The following CPNE4 variants were observed in gnomAD, a reference collection of about 807,000 sequenced individuals.
CPNE4 encodes copine-4.
In CPNE4, 25 loss-of-function variants were observed where a neutral mutation model predicts 67.9. The ratio of observed to expected loss-of-function variants is 0.37; its 90% CI spans 0.27 to 0.51. CPNE4 has a LOEUF of 0.51. CPNE4 is among the 20% of genes least tolerant of loss of function. The probability of loss-of-function intolerance (pLI) is 0.93; values close to 1 mark genes in which losing one functional copy is unlikely to be tolerated. For missense variants in CPNE4, 464 were observed against 690.8 expected (o/e 0.67, Z 3.68); for synonymous variants, 242 against 244.9 (o/e 0.99, Z 0.11).
intron 1 of CPNE4, among the ~76,000 whole-genome samples, chr3:131,986,328 T>G (rs574213776): frequency 1.3e-5 from 2 of 152,162 alleles, no homozygotes; most frequent in Admixed American, 1.3e-4. Context: ...ATTGAATAAT[T>G]TGAATGACAT....
chr3:131,549,928 C>T lies in CPNE4; in HGVS notation c.1302+19G>A. ...GGAAGAGTAAGCTCCCCTTAGGAGG[C>T]AAATAGCCCCCTCCTTACCGATGCC... On this transcript the variant is annotated intron_variant, in intron 14 of 15. Coordinates refer to ENST00000429747, the MANE Select transcript of CPNE4 (RefSeq NM_130808.3). 1 of 1,612,296 alleles carries T rather than the reference C, an allele frequency of 6.2e-7. No homozygotes were observed. The highest frequency in any genetic ancestry group is 8.5e-7 in the Non-Finnish European group (1 of 1,178,954).
intron 7 of CPNE4, among the ~76,000 whole-genome samples, chr3:131,623,228 GA>G (rs1004956735): frequency 7.5e-5 from 10 of 133,896 alleles, no homozygotes; most frequent in South Asian, 4.4e-4. Context: ...TACTTAAACT[GA>G]AAAAAAAGAA....
intron 2 of CPNE4, among the ~76,000 whole-genome samples, chr3:131,803,698 G>A (rs1490607717): frequency 6.6e-6 from 1 of 152,212 alleles, no homozygotes; most frequent in Admixed American, 6.5e-5. Context: ...TACCCAAGCT[G>A]AGGAGAACAT....
chr3:131,974,660 G>A (rs1162491420), intron 1 of CPNE4, among the ~76,000 whole-genome samples: 2 of 152,124 alleles, frequency 1.3e-5, no homozygotes, highest in Non-Finnish European at 2.9e-5. Flanking sequence ...ACAGGGCCAA[G>A]CCTATCTGCC....
At chr3:131,660,651 A>G (rs1212927908) in intron 7 of CPNE4, among the ~76,000 whole-genome samples, 8 of 152,172 alleles carry the variant, frequency 5.3e-5, no homozygotes, top group Admixed American at 4.6e-4. Flanking sequence ...GATCCTTCCA[A>G]TGCCACTGAC....
Position 131,721,398 on chromosome 3 carries a change from C to CG in CPNE4, c.360+2047_360+2048insC, listed in dbSNP as rs57350854. Among the ~76,000 whole-genome samples the CG allele has an allele frequency of 2.3e-5, 3 of 128,342 alleles. No individual in the cohort carries two copies. The South Asian group carries it at 7.2e-4, about 31-fold the overall frequency. The allele number at this position is 128,342 out of a possible 152,430, so 84.2% of individuals were successfully genotyped here. A position where few individuals can be genotyped will look rare whatever the true frequency, so the allele number is the denominator to read the frequency against. The stretch of plus-strand genomic sequence containing the variant: ...CCACATGATTCCCACACGGATCTAC[C>CG]TTTTTTTTTTTTTTTGAGACGGAGT... On this transcript the variant is annotated intron_variant, in intron 3 of 15. Transcript: ENST00000429747.
chr3:132,005,878 A>G (rs1462985465), intron 1 of CPNE4, among the ~76,000 whole-genome samples: 1 of 152,132 alleles, frequency 6.6e-6, no homozygotes, highest in African/African-American at 2.4e-5. Flanking sequence ...TGCCTCCTGG[A>G]AGTTTGAAGT....
At position 131,911,098 on chromosome 3, in the gene CPNE4, A is replaced by G. The variant is rs2088956171; in HGVS notation, c.-1-5654T>C. Reference sequence around the variant, plus strand: ...CTTTTAACCAATAAAATATGGCAAAAGTAATAGAATGTCATCTCTGCCTTT... The same window carrying G: ...CTTTTAACCAATAAAATATGGCAAAGGTAATAGAATGTCATCTCTGCCTTT... On this transcript the variant is annotated intron_variant, in intron 1 of 15. Coordinates refer to ENST00000429747, the MANE Select transcript of CPNE4 (RefSeq NM_130808.3). Among the ~76,000 whole-genome samples, 5 of 152,114 alleles carry G rather than the reference A, an allele frequency of 3.3e-5. No homozygotes were observed. In the South Asian group the frequency reaches 1.0e-3, roughly 32 times the overall value.
intron 12 of CPNE4, among the ~76,000 whole-genome samples, chr3:131,555,097 A>G (rs1297909721): frequency 1.3e-5 from 2 of 152,054 alleles, no homozygotes; most frequent in South Asian, 2.1e-4. Context: ...GAGACTTGGG[A>G]TAAGAAAGTC....
At chr3:131,680,824 C>T (rs1329212898) in intron 6 of CPNE4, among the ~76,000 whole-genome samples, 1 of 152,094 alleles carries the variant, frequency 6.6e-6, no homozygotes, top group African/African-American at 2.4e-5. Context: ...CAACCCCCTC[C>T]CACCCTTTCC....
intron 1 of CPNE4, among the ~76,000 whole-genome samples, chr3:131,917,473 G>A (rs895535282): frequency 5.3e-5 from 8 of 152,128 alleles, no homozygotes; most frequent in African/African-American, 1.7e-4. Flanking sequence ...ATGCTTTGGG[G>A]AGGAGGAAAG....
intron 7 of CPNE4, among the ~76,000 whole-genome samples, chr3:131,635,102 G>C (rs1190450260): frequency 6.6e-6 from 1 of 152,076 alleles, no homozygotes; most frequent in African/African-American, 2.4e-5. Context: ...TTCTGTAGAA[G>C]AGCATTTGTA....
chr3:131,792,854 T>C (rs2083811003), intron 2 of CPNE4, among the ~76,000 whole-genome samples: 1 of 148,382 alleles, frequency 6.7e-6, no homozygotes, highest in Admixed American at 6.8e-5. Flanking sequence ...TATACATACA[T>C]ACATACACAC....
At chr3:132,020,990 T>G (rs961712426) in intron 1 of CPNE4, among the ~76,000 whole-genome samples, 1 of 152,202 alleles carries the variant, frequency 6.6e-6, no homozygotes, top group Non-Finnish European at 1.5e-5. Context: ...CAGGTAAGAT[T>G]CTTGATAGCA....
At chr3:131,736,118 C>T (rs2082227972) in intron 2 of CPNE4, among the ~76,000 whole-genome samples, 1 of 152,230 alleles carries the variant, frequency 6.6e-6, no homozygotes. Flanking sequence ...AGGCATGAGT[C>T]TCAGGCCCTG....
chr3:131,580,921 C>T (rs940458902), intron 9 of CPNE4, among the ~76,000 whole-genome samples: 1 of 152,098 alleles, frequency 6.6e-6, no homozygotes, highest in African/African-American at 2.4e-5. Context: ...TGCCTGTAAT[C>T]CCAGCACTTT....
intron 15 of CPNE4, 39 bp from the exon 16 acceptor site, chr3:131,535,368 G>C (rs779343771): frequency 1.3e-6 from 2 of 1,591,366 alleles, no homozygotes; most frequent in South Asian, 2.3e-5. Context: ...TTGGCTTCTG[G>C]TCAAGGAATC....
At chr3:131,835,925 C>T (rs2085540702) in intron 2 of CPNE4, among the ~76,000 whole-genome samples, 1 of 152,160 alleles carries the variant, frequency 6.6e-6, no homozygotes, top group Non-Finnish European at 1.5e-5. Context: ...TTCCCCCATT[C>T]CCACAGTTGG....
intron 1 of CPNE4, among the ~76,000 whole-genome samples, chr3:131,942,514 G>GAGAGAGAGA (rs1244798502): frequency 7.4e-5 from 8 of 108,008 alleles, no homozygotes; most frequent in African/African-American, 2.4e-4. Context: ...GAGAGAGAGA[G>GAGAGAGAGA]ATCATTTTAT....
Sources: gnomAD v4.1 joint callset for allele counts (sites outside exome capture counted in the v4.1 genomes callset) on GRCh38, gnomAD v4.1.1 for gene constraint, MANE v1.5 for transcripts, NCBI Gene and HGNC (gene_info 2026-07-23, HGNC 2026-07-21) for gene names.